The following GRID2IP variants were observed in gnomAD, a reference collection of about 807,000 sequenced individuals.
GRID2IP encodes Grid2 interacting protein, also known as delphilin.
A neutral mutation model predicts 114.3 loss-of-function variants in GRID2IP; 78 were observed. That is an observed-to-expected ratio of 0.68 (90% CI 0.57 to 0.82). The LOEUF is 0.82. Among genes scored for constraint, GRID2IP ranks in the 40% least tolerant of loss-of-function variants. GRID2IP has a pLI of 0.00. For missense variants in GRID2IP, 1,727 were observed against 1,678.5 expected (o/e 1.03, Z -0.51); for synonymous variants, 809 against 724.0 (o/e 1.12, Z -1.89).
chr7:6,510,153 G>C, intron 11 of GRID2IP, 130 bp downstream of exon 11: 2 of 579,144 alleles, frequency 3.5e-6, no homozygotes, highest in South Asian at 4.9e-5. Flanking sequence ...CACAGCTGAG[G>C]TGAGGGTCAC....
At position 6,506,827 on chromosome 7, in the gene GRID2IP, A is replaced by C. The variant is rs1276187081; in HGVS notation, c.2545-920T>G. Among the ~76,000 whole-genome samples the C allele has an allele frequency of 3.9e-5, 6 of 152,004 alleles. No homozygotes were observed. Among genetic ancestry groups the C allele is most frequent in the African/African-American group, 1.5e-4 (6 of 41,364 alleles). On this transcript the variant is annotated intron_variant, in intron 13 of 21. Coordinates refer to ENST00000457091, the MANE Select transcript of GRID2IP (RefSeq NM_001145118.2). The surrounding 1 kb of genome is among the most constrained non-coding windows in gnomAD (Gnocchi z 5.2). ...CTCCCGAGTAGCTGGGACCACAGGC[A>C]TGCACCACCAGGTCTGGCTAACTTT...
intron 1 of GRID2IP, among the ~76,000 whole-genome samples, chr7:6,543,132 C>T (rs778641855): frequency 7.2e-5 from 11 of 152,304 alleles, no homozygotes; most frequent in Non-Finnish European, 1.3e-4. Context: ...CGGTGGCTCA[C>T]GGCTGTCATC....
rs1370879972 is a variant in GRID2IP, at chr7:6,528,933, C to A, written c.585-2164G>T. Among the ~76,000 whole-genome samples the A allele has an allele frequency of 6.6e-6, 1 of 152,136 alleles. No homozygotes were observed. The highest frequency in any genetic ancestry group is 6.5e-5 in the Admixed American group (1 of 15,270). On this transcript the variant is annotated intron_variant, in intron 2 of 21. Coordinates refer to ENST00000457091, the MANE Select transcript of GRID2IP (RefSeq NM_001145118.2). The surrounding 1 kb of genome is among the most constrained non-coding windows in gnomAD (Gnocchi z 6.0). ...AGATGGTCATTTAAGGTCTCCAGAG[C>A]CTGACCGCTCCATCTGCCAGGCCTG...
chr7:6,504,966 C>T (rs1002569227), intron 14 of GRID2IP, 96 bp from the exon 15 acceptor site: 1 of 946,028 alleles, frequency 1.1e-6, no homozygotes, highest in African/African-American at 1.6e-5. Flanking sequence ...GCCACTATCC[C>T]CCTAAGCACG....
At position 6,529,442 on chromosome 7, in the gene GRID2IP, C is replaced by T. The variant is rs145957676; in HGVS notation, c.585-2673G>A. On this transcript the variant is annotated intron_variant, in intron 2 of 21. Coordinates refer to ENST00000457091, the MANE Select transcript of GRID2IP (RefSeq NM_001145118.2). ...CTCCAGCCTGGGCAAAAGAGTGAGACTCCATCTCAAAAAAAAGAAAAGGCC... is the reference window on the plus strand; with the variant it reads ...CTCCAGCCTGGGCAAAAGAGTGAGATTCCATCTCAAAAAAAAGAAAAGGCC... Among the ~76,000 whole-genome samples the T allele has an allele frequency of 3.8e-3, 577 of 152,202 alleles. 2 individuals are homozygous for T. Among genetic ancestry groups the T allele is most frequent in the African/African-American group, 0.013 (544 of 41,510 alleles).
rs1391979756 is a variant in GRID2IP at position 6,520,585 on chromosome 7, GGAA to G, written c.1258_1260del (p.Phe420del). The G allele has an allele frequency of 6.4e-7, 1 of 1,550,982 alleles. No homozygotes were observed. Among genetic ancestry groups the G allele is most frequent in the Admixed American group, 2.0e-5 (1 of 50,982 alleles). ...CGGCTTTGGCCCGGCCACCTGTGCT[GGAA>G]GAAGCTCTCGAGGGCCCGGCAGACC... is the stretch of plus-strand genomic sequence containing the variant. On this transcript the variant is annotated inframe_deletion, in exon 7 of 22. Transcript: ENST00000457091. The surrounding 1 kb of genome is among the most constrained non-coding windows in gnomAD (Gnocchi z 4.6).
At chr7:6,540,805 A>T (rs1779805270) in intron 1 of GRID2IP, among the ~76,000 whole-genome samples, 1 of 149,504 alleles carries the variant, frequency 6.7e-6, no homozygotes, top group Non-Finnish European at 1.5e-5. Context: ...TGCTGGGATT[A>T]CAGGTGTCAA....
At chr7:6,502,921 C>T (rs1421882136) in intron 17 of GRID2IP, 49 bp from the exon 18 acceptor site, 1 of 1,543,714 alleles carries the variant, frequency 6.5e-7, no homozygotes, top group Non-Finnish European at 8.8e-7. Flanking sequence ...ACCACCCATC[C>T]ACCCTGCTGT....
In GRID2IP at chr7:6,533,556, G is replaced by A. The variant is rs556142213; in HGVS notation, c.584+6162C>T. Among the ~76,000 whole-genome samples the A allele has an allele frequency of 5.3e-5, 8 of 151,780 alleles. No individual in the cohort carries two copies. In the East Asian group the frequency reaches 1.2e-3, roughly 22 times the overall value. ...TAATTTTTTTGTGTGTAAACATGGGGTCTCGCTCTGTTGCCTAGGCTGGTC... is the reference window on the plus strand; with the variant it reads ...TAATTTTTTTGTGTGTAAACATGGGATCTCGCTCTGTTGCCTAGGCTGGTC... On this transcript the variant is annotated intron_variant, in intron 2 of 21. Coordinates refer to ENST00000457091, the MANE Select transcript of GRID2IP (RefSeq NM_001145118.2).
In GRID2IP at chr7:6,506,782, A is replaced by G. The variant is rs1325000796; in HGVS notation, c.2545-875T>C. On this transcript the variant is annotated intron_variant, in intron 13 of 21. Coordinates refer to ENST00000457091, the MANE Select transcript of GRID2IP (RefSeq NM_001145118.2). This position sits in a 1 kb window ranked among gnomAD's most constrained non-coding sequence, Gnocchi z 5.2. ...CTGCAACCTCCACCTGTGGGAATCA[A>G]GTGATTCTCCCTCTTCAGCCTCCCG... Among the ~76,000 whole-genome samples the G allele has an allele frequency of 6.6e-6, 1 of 151,642 alleles. No individual in the cohort carries two copies. Among genetic ancestry groups the G allele is most frequent in the Non-Finnish European group, 1.5e-5 (1 of 67,952 alleles).
chr7:6,498,298 G>C, intron 20 of GRID2IP, 70 bp from the exon 21 acceptor site: 2 of 1,410,760 alleles, frequency 1.4e-6, no homozygotes, highest in Non-Finnish European at 1.9e-6. Context: ...TGGCCCGACA[G>C]ACAGGTCCCT....
rs1319114330 is a variant in GRID2IP, at chr7:6,512,921, GTGCTGGGATTACAAGAGTGAA to G, written c.1423+1433_1423+1453del. On this transcript the variant is annotated intron_variant, in intron 8 of 21. Coordinates refer to ENST00000457091, the MANE Select transcript of GRID2IP (RefSeq NM_001145118.2). ...GATCCACCCACCTCAGCCTACCAAA[GTGCTGGGATTACAAGAGTGAA>G]CCACTGCACCTGCAGCGGCTTTCAT... Among the ~76,000 whole-genome samples the G allele has an allele frequency of 2.0e-5, 3 of 152,234 alleles. No homozygotes were observed. In the East Asian group the frequency reaches 5.8e-4, roughly 29 times the overall value.
chr7:6,509,070 T>A lies in GRID2IP; in HGVS notation c.2015A>T (p.His672Leu). 8.7e-7 allele frequency: 1 copy of A among 1,148,274 alleles called. No individual in the cohort carries two copies. The highest frequency in any genetic ancestry group is 6.2e-5 in the East Asian group (1 of 16,038). 71.1% of individuals were successfully genotyped at this position (1,148,274 alleles called of 1,614,324 possible). The change falls in exon 12 of 22, where the codon CAC becomes CTC. Residue 672 changes from histidine (H) to leucine (L), a missense_variant. By Grantham distance (99) the His-to-Leu change is moderately conservative. Transcript: ENST00000457091. This position sits in a 1 kb window ranked among gnomAD's most constrained non-coding sequence, Gnocchi z 4.9. ...GTCAGTATCGCGGCTTCGCACAGGG[T>A]GGGAGAAGGTGAAGAGCTTCCTGCG... ...PSRRKLFTFS[H>L]PVRSRDTDRF...
chr7:6,502,011 G>A lies in GRID2IP; in HGVS notation c.3258C>T (p.Pro1086=), dbSNP rs933521624. The part of the protein sequence containing the change: ...PELLGFAQDL[P]TVPLAAKVNQ... ...TACCTTTGGCAGCCAGGGGCACGGT[G>A]GGCAGGTCCTGAGCAAAGCCCAGGA... Residue 1086 remains proline (P), a synonymous_variant, in exon 19 of 22, where the codon CCC becomes CCT. Transcript: ENST00000457091. 11 of 1,551,322 alleles carry A rather than the reference G, an allele frequency of 7.1e-6. No homozygotes were observed. The highest frequency in any genetic ancestry group is 9.6e-6 in the Non-Finnish European group (11 of 1,146,942).
At chr7:6,546,976 C>G (rs548449678) in intron 1 of GRID2IP, among the ~76,000 whole-genome samples, 18 of 152,312 alleles carry the variant, frequency 1.2e-4, no homozygotes, top group African/African-American at 4.1e-4. Flanking sequence ...CCTGGACACA[C>G]ATTAGACTAC....
chr7:6,511,816 C>T (rs1296207641), intron 8 of GRID2IP, among the ~76,000 whole-genome samples: 1 of 152,178 alleles, frequency 6.6e-6, no homozygotes, highest in African/African-American at 2.4e-5. Context: ...AACTCTGCAG[C>T]GGCCCCTTCC....
intron 18 of GRID2IP, 62 bp downstream of exon 18, chr7:6,502,724 C>T: frequency 8.1e-7 from 1 of 1,232,668 alleles, no homozygotes. Context: ...CTGAGCTAGG[C>T]CTGGCGTTAG....
intron 7 of GRID2IP, 76 bp from the exon 8 acceptor site, chr7:6,514,605 C>A: frequency 7.6e-7 from 1 of 1,316,048 alleles, no homozygotes; most frequent in South Asian, 1.7e-5. Context: ...GTAGACAAGA[C>A]GGCACTTCCA....
intron 1 of GRID2IP, among the ~76,000 whole-genome samples, chr7:6,541,727 G>C (rs1779817954): frequency 6.6e-6 from 1 of 152,164 alleles, no homozygotes; most frequent in Non-Finnish European, 1.5e-5. Context: ...GGTCATGTTG[G>C]AAATGAGCAT....
Sources: gnomAD v4.1 joint callset for allele counts (sites outside exome capture counted in the v4.1 genomes callset) on GRCh38, gnomAD v4.1.1 for gene constraint, Gnocchi (gnomAD v3.1) non-coding constraint, MANE v1.5 for transcripts, NCBI Gene and HGNC (gene_info 2026-07-23, HGNC 2026-07-21) for gene names.